The following CALCR variants were observed in gnomAD, a reference collection of about 807,000 sequenced individuals.
CALCR encodes calcitonin receptor.
Under a neutral mutation model 59.5 loss-of-function variants are expected in CALCR, and 47 were observed. The ratio of observed to expected loss-of-function variants is 0.79; its 90% CI spans 0.63 to 1.01. CALCR has a LOEUF of 1.01. CALCR is among the 50% of genes least tolerant of loss of function. CALCR has a pLI of 0.00. For synonymous variants in CALCR, 213 were observed against 211.3 expected, an observed-to-expected ratio of 1.01 and a Z score of -0.07; for missense variants, 566 against 597.1, an observed-to-expected ratio of 0.95 and a Z score of 0.54.
intron 7 of CALCR, among the ~76,000 whole-genome samples, chr7:93,463,459 A>G (rs929091545): frequency 1.3e-5 from 2 of 151,950 alleles, no homozygotes; most frequent in African/African-American, 4.8e-5. Context: ...TAAAATTTGT[A>G]TTATACTAAC....
chr7:93,521,651 T>C (rs1488295374), intron 2 of CALCR, among the ~76,000 whole-genome samples: 2 of 152,102 alleles, frequency 1.3e-5, no homozygotes, highest in East Asian at 3.9e-4. Context: ...TTCCAAACCA[T>C]TCTTTTGTAT....
chr7:93,445,378 T>G (rs1427990671), intron 8 of CALCR, among the ~76,000 whole-genome samples: 1 of 152,126 alleles, frequency 6.6e-6, no homozygotes, highest in Non-Finnish European at 1.5e-5. Context: ...GCCCTATTCT[T>G]TCTGGATCCA....
intron 2 of CALCR, among the ~76,000 whole-genome samples, chr7:93,573,176 C>G (rs1790044115): frequency 6.6e-6 from 1 of 152,134 alleles, no homozygotes; most frequent in Non-Finnish European, 1.5e-5. Flanking sequence ...CTAGCAATAT[C>G]CTATTAGAAA....
chr7:93,426,772 A>G (rs1311453342), intron 13 of CALCR, among the ~76,000 whole-genome samples, 183 bp from the exon 14 acceptor site: 1 of 152,206 alleles, frequency 6.6e-6, no homozygotes, highest in East Asian at 1.9e-4. Flanking sequence ...GAATTTGCAA[A>G]TGGAAGAACT....
intron 11 of CALCR, 89 bp from the exon 12 acceptor site, chr7:93,436,259 A>G: frequency 9.4e-7 from 1 of 1,065,782 alleles, no homozygotes; most frequent in Non-Finnish European, 1.4e-6. Context: ...ATCCAGTGTG[A>G]GCAACAAATG....
At chr7:93,516,420 A>G (rs1418552563) in intron 2 of CALCR, among the ~76,000 whole-genome samples, 1 of 151,952 alleles carries the variant, frequency 6.6e-6, no homozygotes, top group East Asian at 1.9e-4. Context: ...CTGCAAGGAT[A>G]CTAAACTTGG....
intron 8 of CALCR, among the ~76,000 whole-genome samples, chr7:93,444,810 C>CTCTG (rs1235223277): frequency 9.9e-5 from 15 of 152,204 alleles, no homozygotes; most frequent in African/African-American, 3.6e-4. Flanking sequence ...TTACCAAATA[C>CTCTG]TCTGTTTTAC....
chr7:93,497,860 A>C (rs935961466), intron 2 of CALCR, among the ~76,000 whole-genome samples: 2 of 151,588 alleles, frequency 1.3e-5, no homozygotes, highest in African/African-American at 4.8e-5. Context: ...ATCACTGCCT[A>C]GAAGTTCAAA....
At chr7:93,559,026 G>C (rs1789677562) in intron 2 of CALCR, among the ~76,000 whole-genome samples, 1 of 151,992 alleles carries the variant, frequency 6.6e-6, no homozygotes, top group African/African-American at 2.4e-5. Flanking sequence ...GCAGTGTGTT[G>C]GGATGACATG....
At chr7:93,478,493 A>T (rs2115885175) in intron 4 of CALCR, among the ~76,000 whole-genome samples, 1 of 151,920 alleles carries the variant, frequency 6.6e-6, no homozygotes, top group East Asian at 2.0e-4. Flanking sequence ...GTTGGAGACC[A>T]GCATGGACAA....
Position 93,479,436 on chromosome 7 carries a change from G to T in CALCR, c.123C>A (p.Tyr41Ter). ...YPTIEPKPFL[Y>*]VVGRKKMMDA... is the part of the protein sequence containing the mutation. Reference sequence around the variant, plus strand: ...CCATCATCTTCTTTCGTCCTACGACGTAAAGAAATGGCTTGGGCTCTATTG... The same window carrying T: ...CCATCATCTTCTTTCGTCCTACGACTTAAAGAAATGGCTTGGGCTCTATTG... The change falls in exon 4 of 14, where the codon TAC becomes TAA. Residue 41 changes from tyrosine to a stop codon, truncating the protein, a stop_gained. Transcript: ENST00000426151. LOFTEE classifies it high-confidence loss of function. 4 of 1,612,552 alleles carry T rather than the reference G, an allele frequency of 2.5e-6. No individual in the cohort carries two copies. The highest frequency in any genetic ancestry group is 3.4e-6 in the Non-Finnish European group (4 of 1,179,070).
chr7:93,519,899 G>T (rs1453219760), intron 2 of CALCR, among the ~76,000 whole-genome samples: 1 of 151,892 alleles, frequency 6.6e-6, no homozygotes, highest in Non-Finnish European at 1.5e-5. Context: ...TAGGTTTCCT[G>T]AGGCCTCCCT....
chr7:93,503,349 G>A (rs965191704), intron 2 of CALCR, among the ~76,000 whole-genome samples: 2 of 152,006 alleles, frequency 1.3e-5, no homozygotes, highest in Non-Finnish European at 2.9e-5. Context: ...TAAGGCCAAA[G>A]TTAACATATC....
intron 13 of CALCR, among the ~76,000 whole-genome samples, chr7:93,432,561 A>G (rs549054805): frequency 6.6e-6 from 1 of 152,356 alleles, no homozygotes; most frequent in South Asian, 2.1e-4. Flanking sequence ...TTACTTCAAA[A>G]TCAGAGATAA....
chr7:93,439,076 T>C (rs1799844904), intron 9 of CALCR, among the ~76,000 whole-genome samples: 1 of 152,140 alleles, frequency 6.6e-6, no homozygotes, highest in Non-Finnish European at 1.5e-5. Flanking sequence ...AACAGTAGAA[T>C]ATTGTTTGAT....
At chr7:93,538,153 A>G (rs934993484) in intron 2 of CALCR, among the ~76,000 whole-genome samples, 6 of 151,998 alleles carry the variant, frequency 3.9e-5, no homozygotes, top group Admixed American at 3.3e-4. Flanking sequence ...TACCTTAAAT[A>G]TCATAAAGTC....
intron 13 of CALCR, among the ~76,000 whole-genome samples, chr7:93,430,221 C>T (rs937304268): frequency 6.6e-6 from 1 of 152,290 alleles, no homozygotes; most frequent in East Asian, 1.9e-4. Flanking sequence ...AGGCGTGAGC[C>T]ACCACGCCTG....
At chr7:93,520,732 TTGTC>T (rs1272904715) in intron 2 of CALCR, among the ~76,000 whole-genome samples, 2 of 152,128 alleles carry the variant, frequency 1.3e-5, no homozygotes, top group African/African-American at 4.8e-5. Context: ...TCTATAGAAA[TTGTC>T]TGATTTTTAT....
In CALCR at chr7:93,462,170, T is replaced by C; in HGVS notation, c.522-1223A>G. 3 of 911,968 alleles carry C rather than the reference T, an allele frequency of 3.3e-6. No individual in the cohort carries two copies. In the South Asian group the frequency reaches 4.9e-5, roughly 15 times the overall value. 56.5% of individuals were successfully genotyped at this position (911,968 alleles called of 1,614,324 possible). The stretch of plus-strand genomic sequence containing the variant: ...CTGTTAGAGCATATTTTAACTATTA[T>C]AGTTACAGTTTTCAACTTTTCGGGA... On this transcript the variant is annotated intron_variant, in intron 7 of 13. Transcript: ENST00000426151.
Sources: gnomAD v4.1 joint callset for allele counts (sites outside exome capture counted in the v4.1 genomes callset) on GRCh38, gnomAD v4.1.1 for gene constraint, MANE v1.5 for transcripts, NCBI Gene and HGNC (gene_info 2026-07-23, HGNC 2026-07-21) for gene names.